The following SYNE1 variants were observed in gnomAD, a reference collection of about 807,000 sequenced individuals.
The protein encoded by SYNE1 is spectrin repeat containing nuclear envelope protein 1, also known as nesprin-1.
A neutral mutation model predicts 1,111.0 loss-of-function variants in SYNE1; 616 were observed. The ratio of observed to expected loss-of-function variants is 0.55; its 90% CI spans 0.52 to 0.59. The LOEUF (loss-of-function observed/expected upper bound fraction) is 0.59. Among genes scored for constraint, SYNE1 ranks in the 20% least tolerant of loss-of-function variants. SYNE1 has a pLI of 0.00. For synonymous variants in SYNE1, 3,855 were observed against 3,825.8 expected, an observed-to-expected ratio of 1.01 and a Z score of -0.28; for missense variants, 10,006 against 10,417.0, an observed-to-expected ratio of 0.96 and a Z score of 1.72.
intron 105 of SYNE1, among the ~76,000 whole-genome samples, chr6:152,248,620 T>C (rs1314834748): frequency 6.6e-6 from 1 of 152,220 alleles, no homozygotes; most frequent in Non-Finnish European, 1.5e-5. Flanking sequence ...TTATCTTAAA[T>C]TCAGCTAAAA....
intron 106 of SYNE1, 65 bp from the exon 107 acceptor site, chr6:152,242,505 G>C: frequency 6.3e-7 from 1 of 1,579,072 alleles, no homozygotes; most frequent in Admixed American, 1.7e-5. Context: ...AAAAGCATAT[G>C]AACTATGAAC....
chr6:152,362,035 G>A, intron 64 of SYNE1, 135 bp downstream of exon 64: 7 of 1,215,934 alleles, frequency 5.8e-6, no homozygotes, highest in Non-Finnish European at 8.3e-6. Flanking sequence ...AGCCTTTAGA[G>A]ATTATACTAA....
At position 152,502,742 on chromosome 6, in the gene SYNE1, T is replaced by C. The variant is rs2099036476; in HGVS notation, c.779A>G (p.Asp260Gly). The C allele has an allele frequency of 1.9e-6, 3 of 1,606,512 alleles. No homozygotes were observed. The highest frequency in any genetic ancestry group is 1.1e-5 in the South Asian group (1 of 90,912). ...LGIPRLLDPE[D>G]VDVDKPDEKS... ...CTCATCTGGTTTATCCACATCAACG[T>C]CTGAAAAAACAAAAAAGAAATGTGA... The change falls in exon 10 of 146, where the codon GAC becomes GGC. Residue 260 changes from aspartate (D) to glycine (G), a missense_variant and splice_region_variant. By Grantham distance (94) the Asp-to-Gly change is moderately conservative. This residue lies in a region of SYNE1 where 1,971 missense variants were observed against 2,084.1 expected (regional missense o/e 0.95). Transcript: ENST00000367255.
At chr6:152,133,703 TCA>T in intron 142 of SYNE1, 2 of 592,484 alleles carry the variant, frequency 3.4e-6, no homozygotes, top group South Asian at 4.0e-5. Flanking sequence ...GTCTCTGATC[TCA>T]GTTTGATTTG....
chr6:152,539,973 G>A lies in SYNE1; in HGVS notation c.116C>T (p.Ser39Phe). ...QKRTFTKWINSHLAKRKPPMV... is the reference protein window; with the variant it reads ...QKRTFTKWINFHLAKRKPPMV... ...AGTTTCCTTTACCTTGGCCAGATGAGAGTTGATCCATTTTGTGAAAGTTCG... is the reference window on the plus strand; with the variant it reads ...AGTTTCCTTTACCTTGGCCAGATGAAAGTTGATCCATTTTGTGAAAGTTCG... Residue 39 changes from serine to phenylalanine, a missense_variant, in exon 4 of 146, where the codon TCT (serine) becomes TTT (phenylalanine). By Grantham distance (155) the Ser-to-Phe change is radical. This residue lies in a region of SYNE1 where 1,971 missense variants were observed against 2,084.1 expected (regional missense o/e 0.95). Coordinates refer to ENST00000367255, the MANE Select transcript of SYNE1 (RefSeq NM_182961.4). 6.2e-7 allele frequency: 1 copy of A among 1,613,922 alleles called. No individual in the cohort carries two copies. The highest frequency in any genetic ancestry group is 8.5e-7 in the Non-Finnish European group (1 of 1,179,892).
chr6:152,133,253 G>A (rs1365197468), intron 143 of SYNE1, 23 bp downstream of exon 143: 2 of 1,604,376 alleles, frequency 1.2e-6, no homozygotes, highest in Non-Finnish European at 8.5e-7. Flanking sequence ...AATGCTACAC[G>A]ATGATGTCTG....
chr6:152,138,921 G>T (rs1287999440), intron 140 of SYNE1, among the ~76,000 whole-genome samples: 2 of 152,200 alleles, frequency 1.3e-5, no homozygotes, highest in Non-Finnish European at 2.9e-5. Flanking sequence ...CAAATGCCAG[G>T]TGTTTCACCA....
chr6:152,312,848 A>C (rs554378044), intron 87 of SYNE1, among the ~76,000 whole-genome samples: 2 of 152,196 alleles, frequency 1.3e-5, no homozygotes, highest in African/African-American at 4.8e-5. Context: ...TTTCTTTTTC[A>C]CCCGACCTTA....
intron 119 of SYNE1, 104 bp downstream of exon 119, chr6:152,220,738 C>T: frequency 1.9e-6 from 2 of 1,065,744 alleles, no homozygotes; most frequent in Non-Finnish European, 2.9e-6. Flanking sequence ...TTTTGGGTAA[C>T]TGTCTCACAT....
intron 127 of SYNE1, among the ~76,000 whole-genome samples, chr6:152,193,332 A>G (rs188536321): frequency 9.3e-4 from 141 of 152,350 alleles, no homozygotes; most frequent in African/African-American, 3.2e-3. Flanking sequence ...TAAATGAGCA[A>G]ACTAACAAAC....
At position 152,352,312 on chromosome 6, in the gene SYNE1, T is replaced by A. The variant is rs2096754743; in HGVS notation, c.11295A>T (p.Lys3765Asn). 6.2e-7 allele frequency: 1 copy of A among 1,614,078 alleles called. No homozygotes were observed. The highest frequency in any genetic ancestry group is 1.3e-5 in the African/African-American group (1 of 74,932). ...KDMEKGHSLL[K>N]SAREKGERAV... The stretch of plus-strand genomic sequence containing the variant: ...CCCTCTCTCCTTTCTCCCGGGCTGA[T>A]TTCAGCAAACTGTGACCTTTCTCCA... Residue 3765 changes from lysine (K) to asparagine (N), a missense_variant, in exon 70 of 146, where the codon AAA becomes AAT. Transcript: ENST00000367255.
intron 95 of SYNE1, among the ~76,000 whole-genome samples, chr6:152,293,128 A>G (rs1367448781): frequency 6.6e-6 from 1 of 152,230 alleles, no homozygotes; most frequent in East Asian, 1.9e-4. Flanking sequence ...GAGACTTAGA[A>G]CTTATGAAGT....
At chr6:152,149,178 T>C (rs1410868646) in intron 136 of SYNE1, among the ~76,000 whole-genome samples, 1 of 152,220 alleles carries the variant, frequency 6.6e-6, no homozygotes, top group Non-Finnish European at 1.5e-5. Flanking sequence ...ATAGAAGATA[T>C]GAGCCAAATG....
At chr6:152,150,711 A>G (rs1414785905) in intron 135 of SYNE1, among the ~76,000 whole-genome samples, 2 of 152,236 alleles carry the variant, frequency 1.3e-5, no homozygotes, top group Non-Finnish European at 2.9e-5. Context: ...TCTAATGTAT[A>G]TCCCTCCTAT....
intron 98 of SYNE1, among the ~76,000 whole-genome samples, chr6:152,273,047 C>T (rs1301349668): frequency 1.3e-5 from 2 of 152,154 alleles, no homozygotes; most frequent in East Asian, 3.8e-4. Flanking sequence ...CTGGGAACTT[C>T]ATTAGATGAA....
intron 3 of SYNE1, among the ~76,000 whole-genome samples, chr6:152,548,694 A>C (rs2099326576): frequency 6.6e-6 from 1 of 152,208 alleles, no homozygotes; most frequent in Non-Finnish European, 1.5e-5. Flanking sequence ...CTTTCCATGC[A>C]GAAAGAAAAC....
intron 107 of SYNE1, among the ~76,000 whole-genome samples, chr6:152,241,500 C>T (rs1588537079): frequency 1.3e-5 from 1 of 74,176 alleles, no homozygotes; most frequent in African/African-American, 7.3e-5. Flanking sequence ...AATGCAAGAG[C>T]TGTGTGTGTG....
chr6:152,398,952 A>C (rs1384666152), intron 48 of SYNE1, among the ~76,000 whole-genome samples: 6 of 152,224 alleles, frequency 3.9e-5, no homozygotes, highest in Non-Finnish European at 8.8e-5. Flanking sequence ...ATCTCAGAGG[A>C]AAGACTAAAA....
chr6:152,231,233 G>A (rs1030441402), intron 114 of SYNE1, among the ~76,000 whole-genome samples, 158 bp downstream of exon 114: 4 of 152,144 alleles, frequency 2.6e-5, no homozygotes, highest in Non-Finnish European at 5.9e-5. Context: ...TCATCAACAG[G>A]TTAAAGGAAG....
Sources: gnomAD v4.1 joint callset for allele counts (sites outside exome capture counted in the v4.1 genomes callset) on GRCh38, gnomAD v4.1.1 for gene constraint, gnomAD v4.1.1 regional missense constraint, MANE v1.5 for transcripts, NCBI Gene and HGNC (gene_info 2026-07-23, HGNC 2026-07-21) for gene names.